CELSR1: variants seen among roughly 807,000 people sequenced by gnomAD.
CELSR1 encodes the protein adhesion G protein-coupled receptor C1.
Under a neutral mutation model 249.1 loss-of-function variants are expected in CELSR1, and 110 were observed. The observed-to-expected ratio is 0.44, with a 90% CI of 0.38 to 0.52. The LOEUF (loss-of-function observed/expected upper bound fraction) is 0.52, where lower values mean the gene tolerates loss of function less well. Ranked by LOEUF, CELSR1 falls within the 20% of genes least tolerant of loss-of-function variation. CELSR1 has a pLI of 0.00. For synonymous variants in CELSR1, 2,113 were observed against 1,900.0 expected, an observed-to-expected ratio of 1.11 and a Z score of -2.92; for missense variants, 4,109 against 4,296.4, an observed-to-expected ratio of 0.96 and a Z score of 1.22.
intron 22 of CELSR1, 145 bp from the exon 23 acceptor site, chr22:46,378,862 G>C (rs1238194664): frequency 3.7e-6 from 4 of 1,086,348 alleles, no homozygotes; most frequent in Non-Finnish European, 5.2e-6. Flanking sequence ...TGAAAGCCCA[G>C]CGCCCTCGCA....
chr22:46,537,102 C>A lies in CELSR1; in HGVS notation c.69G>T (p.Ala23=). The change falls in exon 1 of 35, where the codon GCG becomes GCT. Residue 23 remains alanine, a synonymous_variant. Transcript: ENST00000674500. This position sits in a 1 kb window ranked among gnomAD's most constrained non-coding sequence, Gnocchi z 5.8. The part of the protein sequence containing the change: ...LLLAAAAALP[A]MGLRAAAWEP... ...CCCAGGCGGCCGCTCGCAGCCCCAT[C>A]GCCGGCAGGGCGGCGGCGGCGGCCA... is the stretch of plus-strand genomic sequence containing the variant. 1 of 1,040,768 alleles carries A rather than the reference C, an allele frequency of 9.6e-7. No individual in the cohort carries two copies. The highest frequency in any genetic ancestry group is 1.2e-6 in the Non-Finnish European group (1 of 869,016). The allele number at this position is 1,040,768 out of a possible 1,614,324, so 64.5% of individuals were successfully genotyped here.
Position 46,399,774 on chromosome 22 carries a change from C to A in CELSR1, c.5355G>T (p.Lys1785Asn), listed in dbSNP as rs754737121. 1 of 1,614,100 alleles carries A rather than the reference C, an allele frequency of 6.2e-7. No homozygotes were observed. The highest frequency in any genetic ancestry group is 1.7e-5 in the Admixed American group (1 of 60,008). ...HHLLIELKNV[K>N]EDSEMKHLVT... Reference sequence around the variant, plus strand: ...CCAGGTGCTTCATCTCACTGTCCTCCTTAACATTCTTCAGCTCGATCAGCA... The same window carrying A: ...CCAGGTGCTTCATCTCACTGTCCTCATTAACATTCTTCAGCTCGATCAGCA... The change falls in exon 10 of 35, where the codon AAG becomes AAT. Residue 1785 changes from lysine (K) to asparagine (N), a missense_variant. Physicochemically the swap from Lys to Asn is moderately conservative, Grantham distance 94. This residue lies in a region of CELSR1 where 1,805 missense variants were observed against 1,831.6 expected (regional missense o/e 0.99). Transcript: ENST00000674500. The surrounding 1 kb of genome is among the most constrained non-coding windows in gnomAD (Gnocchi z 5.0).
rs934689066 is a variant in CELSR1, at chr22:46,517,829, G to T, written c.3544+15798C>A. 6.6e-6 allele frequency among the ~76,000 whole-genome samples: 1 copy of T among 151,970 alleles called. No homozygotes were observed. Among genetic ancestry groups the T allele is most frequent in the African/African-American group, 2.4e-5 (1 of 41,372 alleles). On this transcript the variant is annotated intron_variant, in intron 1 of 34. Coordinates refer to ENST00000674500, the MANE Select transcript of CELSR1 (RefSeq NM_001378328.1). The surrounding 1 kb of genome is among the most constrained non-coding windows in gnomAD (Gnocchi z 5.4). The stretch of plus-strand genomic sequence containing the variant: ...AGACCCAGAGGGAAAGGGAGGGTGA[G>T]CTGTCATCTGAAAGCACCCACCACC...
At position 46,361,397 on chromosome 22, in the gene CELSR1, G is replaced by A. The variant is rs1360866202; in HGVS notation, c.*1826C>T. On this transcript the variant is annotated 3_prime_UTR_variant, in exon 35 of 35. Coordinates refer to ENST00000674500, the MANE Select transcript of CELSR1 (RefSeq NM_001378328.1). ...ATTAAAAATTACACCTCGTGATGTTGGCTGTGGAGTACGTGGAAAAAAATA... is the reference window on the plus strand; with the variant it reads ...ATTAAAAATTACACCTCGTGATGTTAGCTGTGGAGTACGTGGAAAAAAATA... 6.6e-6 allele frequency: 1 copy of A among 152,356 alleles called. No homozygotes were observed. The highest frequency in any genetic ancestry group is 1.5e-5 in the Non-Finnish European group (1 of 68,032). The allele number at this position is 152,356 out of a possible 1,614,324, so 9.4% of individuals were successfully genotyped here. A position where few individuals can be genotyped will look rare whatever the true frequency, so the allele number is the denominator to read the frequency against.
At chr22:46,496,946 C>T (rs2080419943) in intron 1 of CELSR1, among the ~76,000 whole-genome samples, 1 of 151,960 alleles carries the variant, frequency 6.6e-6, no homozygotes, top group Non-Finnish European at 1.5e-5. Flanking sequence ...TGACCAGTGA[C>T]ATAATCATTT....
chr22:46,524,879 A>G (rs6008891), intron 1 of CELSR1, among the ~76,000 whole-genome samples: 86,577 of 152,066 alleles, frequency 0.57, 25,609 homozygotes, highest in East Asian at 0.9. Flanking sequence ...GCTTCTGCGC[A>G]GCTCCCCTTG....
Position 46,384,559 on chromosome 22 carries a change from T to A in CELSR1, c.6867A>T (p.Arg2289Ser). ...CGGTTTTACCTTTTTCTTCAGGTGG[T>A]CTGAAGAAGTCGGCTGGGAAGGAGA... ...SSVSFPADFF[R>S]PPEEKEGPLL... Residue 2289 changes from arginine (R) to serine (S), a missense_variant, in exon 20 of 35, where the codon AGA (arginine) becomes AGT (serine). Physicochemically the swap from Arg to Ser is moderately radical, Grantham distance 110. Transcript: ENST00000674500. The A allele has an allele frequency of 6.2e-7, 1 of 1,610,864 alleles. No homozygotes were observed.
chr22:46,450,902 T>A (rs2079875634), intron 2 of CELSR1, among the ~76,000 whole-genome samples: 1 of 152,258 alleles, frequency 6.6e-6, no homozygotes, highest in South Asian at 2.1e-4. Flanking sequence ...ACTAACAGGC[T>A]GATGTGAGTG....
intron 1 of CELSR1, among the ~76,000 whole-genome samples, chr22:46,474,209 C>T (rs1402343543): frequency 6.6e-6 from 1 of 152,172 alleles, no homozygotes; most frequent in Non-Finnish European, 1.5e-5. Context: ...GAGAGCAGAG[C>T]CAGCCTCCTA....
chr22:46,374,650 G>A lies in CELSR1; in HGVS notation c.7585-1593C>T, dbSNP rs115919740. Among the ~76,000 whole-genome samples, 2,142 of 152,236 alleles carry A rather than the reference G, an allele frequency of 0.014. 41 individuals are homozygous for A. The highest frequency in any genetic ancestry group is 0.048 in the African/African-American group (2,001 of 41,526). On this transcript the variant is annotated intron_variant, in intron 24 of 34. Coordinates refer to ENST00000674500, the MANE Select transcript of CELSR1 (RefSeq NM_001378328.1). This position sits in a 1 kb window ranked among gnomAD's most constrained non-coding sequence, Gnocchi z 4.3. ...GGAACCCAGGGGCCGCCTCAGTTTC[G>A]CTGGGGTGTTGAGTTGCAGGGAGTG...
In CELSR1 at chr22:46,512,231, G is replaced by A. The variant is rs916479548; in HGVS notation, c.3544+21396C>T. ...GGGCAGGTGTCCCGGATTTGCAGAG[G>A]AGGACCAAGAAGCACTCAGGGACTG... On this transcript the variant is annotated intron_variant, in intron 1 of 34. Coordinates refer to ENST00000674500, the MANE Select transcript of CELSR1 (RefSeq NM_001378328.1). This position sits in a 1 kb window ranked among gnomAD's most constrained non-coding sequence, Gnocchi z 5.2. Among the ~76,000 whole-genome samples, 5 of 152,186 alleles carry A rather than the reference G, an allele frequency of 3.3e-5. No homozygotes were observed. Among genetic ancestry groups the A allele is most frequent in the African/African-American group, 7.2e-5 (3 of 41,440 alleles).
chr22:46,425,690 G>T (rs5767204), intron 5 of CELSR1, among the ~76,000 whole-genome samples: 1 of 151,852 alleles, frequency 6.6e-6, no homozygotes, highest in African/African-American at 2.4e-5. Flanking sequence ...GTTTTCCCCC[G>T]CTTTGAAAAG....
chr22:46,510,596 A>C (rs1250981378), intron 1 of CELSR1, among the ~76,000 whole-genome samples: 1 of 152,186 alleles, frequency 6.6e-6, no homozygotes, highest in Non-Finnish European at 1.5e-5. Flanking sequence ...CTCGGCTCAC[A>C]CGCAGCCCCA....
At chr22:46,482,864 T>C (rs2080279759) in intron 1 of CELSR1, among the ~76,000 whole-genome samples, 1 of 152,182 alleles carries the variant, frequency 6.6e-6, no homozygotes, top group African/African-American at 2.4e-5. Flanking sequence ...TCAAGATTTA[T>C]AGCCTGTAGA....
At position 46,389,590 on chromosome 22, in the gene CELSR1, C is replaced by A. The variant is rs2079067453; in HGVS notation, c.6346-91G>T. On this transcript the variant is annotated intron_variant, in intron 17 of 34. Coordinates refer to ENST00000674500, the MANE Select transcript of CELSR1 (RefSeq NM_001378328.1). ...CTCAGCAACTCACTACTGTCTGGTG[C>A]AAGTTTCCTTGTCAGAAAGGAACTT... 9.1e-6 allele frequency: 12 copies of A among 1,323,440 alleles called. No homozygotes were observed. In the South Asian group the frequency reaches 1.4e-4, roughly 15 times the overall value. The allele number at this position is 1,323,440 out of a possible 1,614,324, so 82.0% of individuals were successfully genotyped here.
At chr22:46,528,873 G>A (rs539005710) in intron 1 of CELSR1, among the ~76,000 whole-genome samples, 21 of 151,866 alleles carry the variant, frequency 1.4e-4, no homozygotes, top group Admixed American at 3.9e-4. Context: ...AGCTTGCAGT[G>A]AGCTGAGATC....
Position 46,380,493 on chromosome 22 carries a change from G to A in CELSR1, c.7256+295C>T, listed in dbSNP as rs779084175. ...TTGGCCGCTGCATGTCGGGAGTCCC[G>A]CAGGTGAGGGGTCCCCTTCCTGGGT... On this transcript the variant is annotated intron_variant, in intron 22 of 34. Transcript: ENST00000674500. The surrounding 1 kb of genome is among the most constrained non-coding windows in gnomAD (Gnocchi z 5.1). 4.9e-4 allele frequency among the ~76,000 whole-genome samples: 75 copies of A among 152,344 alleles called. No individual in the cohort carries two copies. The highest frequency in any genetic ancestry group is 8.7e-4 in the Non-Finnish European group (59 of 68,026).
rs1355863282 is a variant in CELSR1 at position 46,537,543 on chromosome 22, G to A, written c.-373C>T. Among the ~76,000 whole-genome samples, 3 of 147,706 alleles carry A rather than the reference G, an allele frequency of 2.0e-5. No homozygotes were observed. Among genetic ancestry groups the A allele is most frequent in the Non-Finnish European group, 4.5e-5 (3 of 66,408 alleles). ...GGGGCGGGCCCGGCGCGGGGCGGGG[G>A]CTGAGTTCCCGGAGCGGGCTGGGCA... On this transcript the variant is annotated 5_prime_UTR_variant, in exon 1 of 35. Transcript: ENST00000674500. This position sits in a 1 kb window ranked among gnomAD's most constrained non-coding sequence, Gnocchi z 5.8.
At position 46,533,078 on chromosome 22, in the gene CELSR1, C is replaced by G. The variant is rs183779110; in HGVS notation, c.3544+549G>C. Among the ~76,000 whole-genome samples the G allele has an allele frequency of 7.2e-4, 109 of 152,298 alleles. 1 individual carries two copies. Among genetic ancestry groups the G allele is most frequent in the Non-Finnish European group, 4.4e-4 (30 of 68,024 alleles). On this transcript the variant is annotated intron_variant, in intron 1 of 34. Transcript: ENST00000674500. ...TGCTTTTCAAAGAGCTTGCACAAAG[C>G]CCTACACACCTAAGCCCGACTGTTA...
Sources: gnomAD v4.1 joint callset for allele counts (sites outside exome capture counted in the v4.1 genomes callset) on GRCh38, gnomAD v4.1.1 for gene constraint, gnomAD v4.1.1 regional missense constraint, Gnocchi (gnomAD v3.1) non-coding constraint, MANE v1.5 for transcripts, NCBI Gene and HGNC (gene_info 2026-07-23, HGNC 2026-07-21) for gene names.